Variants in ATP7A observed in about 807,000 individuals in gnomAD.
ATP7A encodes the protein ATPase copper transporting alpha.
Under a neutral mutation model 83.5 loss-of-function variants are expected in ATP7A, and 7 were observed. The observed-to-expected ratio is 0.08, with a 90% confidence interval of 0.05 to 0.16. The LOEUF is 0.16. Among genes scored for constraint, ATP7A ranks in the 10% least tolerant of loss-of-function variants. ATP7A has a pLI of 1.00. For synonymous variants in ATP7A, 354 were observed against 395.2 expected (o/e 0.90, Z 1.24); for missense variants, 940 against 1,120.8 (o/e 0.84, Z 2.30).
rs782184126 is a variant in ATP7A, at chrX:78,014,648, G to T, written c.2407-14G>T. On this transcript the variant is annotated splice_polypyrimidine_tract_variant and intron_variant, in intron 10 of 22. Coordinates refer to ENST00000341514, the MANE Select transcript of ATP7A (RefSeq NM_000052.7). ...CTTCCTTAGCATTTTCAATGTGTTT[G>T]TTTTAATTTATAGGGCAAAACATCA... The T allele has an allele frequency of 5.5e-5, 65 of 1,185,225 alleles. No homozygotes were observed. The highest frequency in any genetic ancestry group is 7.3e-5 in the Non-Finnish European group (64 of 874,762).
intron 19 of ATP7A, 47 bp from the exon 20 acceptor site, chrX:78,042,538 C>A (rs369641333): frequency 8.7e-7 from 1 of 1,146,659 alleles, no homozygotes; most frequent in African/African-American, 1.8e-5. Flanking sequence ...TTATGTTTCA[C>A]GTACTCATTA....
intron 4 of ATP7A, among the ~76,000 whole-genome samples, chrX:77,995,961 G>T (rs978439165): frequency 1.8e-5 from 2 of 111,344 alleles, no homozygotes; most frequent in Admixed American, 9.6e-5. Context: ...TGGCCAGGCT[G>T]GTCTCCATCT....
chrX:77,947,009 T>C (rs1457787448), intron 1 of ATP7A, among the ~76,000 whole-genome samples: 1 of 111,935 alleles, frequency 8.9e-6, no homozygotes, highest in Non-Finnish European at 1.9e-5. Context: ...AGCCCAAATG[T>C]CCATCAACAG....
At chrX:77,962,182 C>T (rs2077477642) in intron 1 of ATP7A, among the ~76,000 whole-genome samples, 1 of 111,625 alleles carries the variant, frequency 9.0e-6, no homozygotes, top group Admixed American at 9.5e-5. Context: ...CTGCTCTGGT[C>T]GGATTCTGCC....
At chrX:77,926,842 A>T (rs1320638378) in intron 1 of ATP7A, among the ~76,000 whole-genome samples, 1 of 110,004 alleles carries the variant, frequency 9.1e-6, no homozygotes, top group Non-Finnish European at 1.9e-5. Context: ...AGCTGGGATT[A>T]CAGGTGCACA....
At chrX:77,929,755 A>G (rs1296558212) in intron 1 of ATP7A, among the ~76,000 whole-genome samples, 2 of 109,071 alleles carry the variant, frequency 1.8e-5, no homozygotes, top group Admixed American at 9.9e-5. Context: ...GGCATGAGCC[A>G]CTGTGCTCAG....
At chrX:77,927,846 T>C (rs1382273244) in intron 1 of ATP7A, among the ~76,000 whole-genome samples, 1 of 111,195 alleles carries the variant, frequency 9.0e-6, no homozygotes, top group Non-Finnish European at 1.9e-5. Context: ...TTCTTATTGT[T>C]CAGTTCCCAC....
chrX:77,998,924 A>AT (rs2149088010), intron 5 of ATP7A, among the ~76,000 whole-genome samples: 1 of 111,198 alleles, frequency 9.0e-6, no homozygotes, highest in Non-Finnish European at 1.9e-5. Flanking sequence ...TTAAAAAAAA[A>AT]TAGCAGAAAG....
rs782568058 is a variant in ATP7A at position 77,915,725 on chromosome X, A to C, written c.-22+4890A>C. 3.6e-5 allele frequency among the ~76,000 whole-genome samples: 4 copies of C among 111,901 alleles called. No individual in the cohort carries two copies. The South Asian group carries it at 1.5e-3, about 41-fold the overall frequency. Reference sequence around the variant, plus strand: ...GCAAGCAATATTTAAATTCTTTAAAAAAATTTTTTTTGGAGACAGGGTCTT... The same window carrying C: ...GCAAGCAATATTTAAATTCTTTAAACAAATTTTTTTTGGAGACAGGGTCTT... On this transcript the variant is annotated intron_variant, in intron 1 of 22. Transcript: ENST00000341514.
intron 2 of ATP7A, among the ~76,000 whole-genome samples, chrX:77,982,261 T>A (rs2077609230): frequency 1.8e-5 from 2 of 112,121 alleles, no homozygotes; most frequent in Non-Finnish European, 3.8e-5. Context: ...AAATCTCTTA[T>A]AACCTTTATG....
intron 1 of ATP7A, chrX:77,964,184 A>G (rs1389636778): frequency 4.7e-4 from 53 of 111,866 alleles, no homozygotes; most frequent in African/African-American, 1.6e-3. Flanking sequence ...ACAATGTCCT[A>G]TTTTATTTGT....
chrX:78,004,825 C>T (rs1392147353), intron 6 of ATP7A, among the ~76,000 whole-genome samples: 1 of 111,384 alleles, frequency 9.0e-6, no homozygotes, highest in Non-Finnish European at 1.9e-5. Flanking sequence ...AGAGGTTGCA[C>T]TGAGCCAAGA....
rs782233260 is a variant in ATP7A at position 77,956,199 on chromosome X, AT to A, written c.-21-15416del. Among the ~76,000 whole-genome samples the A allele has an allele frequency of 1.1e-4, 12 of 111,466 alleles. No individual in the cohort carries two copies. The South Asian group carries it at 4.5e-3, about 42-fold the overall frequency. On this transcript the variant is annotated intron_variant, in intron 1 of 22. Transcript: ENST00000341514. ...GGATCATATGGTAGTTCAATTTTCA[AT>A]TTTTTGAGGAATCACCATACTGTTT...
At chrX:78,028,033 T>G (rs2077958288) in intron 14 of ATP7A, among the ~76,000 whole-genome samples, 1 of 107,893 alleles carries the variant, frequency 9.3e-6, no homozygotes, top group African/African-American at 3.4e-5. Context: ...ATTTATTTAT[T>G]TATTTTTGAG....
At chrX:77,928,062 A>AGTGATCCTCCTACCTCAGCCTCAC (rs1557223801) in intron 1 of ATP7A, among the ~76,000 whole-genome samples, 1 of 110,579 alleles carries the variant, frequency 9.0e-6, no homozygotes, top group East Asian at 2.8e-4. Flanking sequence ...TGCAGCCTCA[A>AGTGATCCTCCTACCTCAGCCTCAC]GTGATCCTCC....
chrX:77,978,572 T>A (rs1557230575), intron 2 of ATP7A, among the ~76,000 whole-genome samples: 2 of 111,811 alleles, frequency 1.8e-5, no homozygotes, highest in African/African-American at 6.5e-5. Flanking sequence ...AATGCCTAGT[T>A]GTTATGTTGA....
At chrX:78,028,779 C>G (rs1190892816) in intron 14 of ATP7A, among the ~76,000 whole-genome samples, 3 of 112,540 alleles carry the variant, frequency 2.7e-5, no homozygotes, top group African/African-American at 9.7e-5. Context: ...AGCAGATATA[C>G]TTGGTTCACA....
intron 1 of ATP7A, among the ~76,000 whole-genome samples, chrX:77,927,551 T>G (rs1317191804): frequency 1.8e-5 from 2 of 112,076 alleles, no homozygotes; most frequent in Non-Finnish European, 3.8e-5. Flanking sequence ...ATAAGCATCC[T>G]TAGCCATACA....
At chrX:78,028,734 A>G (rs2077963565) in intron 14 of ATP7A, among the ~76,000 whole-genome samples, 1 of 112,501 alleles carries the variant, frequency 8.9e-6, no homozygotes, top group Non-Finnish European at 1.9e-5. Context: ...TTTTTCCCAC[A>G]TGAGCAAACA....
Sources: gnomAD v4.1 joint callset for allele counts (sites outside exome capture counted in the v4.1 genomes callset) on GRCh38, gnomAD v4.1.1 for gene constraint, MANE v1.5 for transcripts, NCBI Gene and HGNC (gene_info 2026-07-23, HGNC 2026-07-21) for gene names.